Variants in USP9X observed in about 807,000 individuals in gnomAD.
USP9X encodes the protein ubiquitin carboxyl-terminal hydrolase 9X.
A neutral mutation model predicts 190.3 loss-of-function variants in USP9X; 7 were observed. The observed-to-expected ratio is 0.04, with a 90% CI of 0.02 to 0.07. USP9X has a LOEUF of 0.07. Among genes scored for constraint, USP9X ranks in the 10% least tolerant of loss-of-function variants. The probability of loss-of-function intolerance (pLI) is 1.00; values close to 1 mark genes in which losing one functional copy is unlikely to be tolerated. For synonymous variants in USP9X, 645 were observed against 659.5 expected, an observed-to-expected ratio of 0.98 and a Z score of 0.34; for missense variants, 1,010 against 1,916.9, an observed-to-expected ratio of 0.53 and a Z score of 8.83.
intron 39 of USP9X, 27 bp from the exon 40 acceptor site, chrX:41,224,715 T>C: frequency 2.6e-6 from 3 of 1,133,001 alleles, no homozygotes; most frequent in Non-Finnish European, 3.6e-6. Context: ...TTATTAGTTT[T>C]TTATTGGTGA....
rs1252353367 is a variant in USP9X, at chrX:41,162,793, A to G, written c.1901A>G (p.His634Arg). The change falls in exon 15 of 45, where the codon CAT (histidine) becomes CGT (arginine). Residue 634 changes from histidine (H) to arginine (R), a missense_variant. By Grantham distance (29) the His-to-Arg change is conservative. Around this residue, in one of 11 missense-constraint regions of USP9X, gnomAD observed 104 missense variants for 239.8 expected, o/e 0.43. Transcript: ENST00000378308. ...MESMRLYARD[H>R]EDYDPQTVRL... ...ATGGTTTTTTCTTAATTTGCAGACC[A>G]TGAAGATTATGACCCACAAACTGTG... The G allele has an allele frequency of 8.3e-7, 1 of 1,204,471 alleles. No homozygotes were observed. The highest frequency in any genetic ancestry group is 1.1e-6 in the Non-Finnish European group (1 of 891,707).
rs1437276606 is a variant in USP9X, at chrX:41,163,703, T to G, written c.1985+826T>G. On this transcript the variant is annotated intron_variant, in intron 15 of 44. Coordinates refer to ENST00000378308, the MANE Select transcript of USP9X (RefSeq NM_001039591.3). The stretch of plus-strand genomic sequence containing the variant: ...CGGAGGCGGAGGTTGCAGTGAGCTG[T>G]GATTGCACCACTGCACTCCAGACCC... 4.9e-5 allele frequency among the ~76,000 whole-genome samples: 5 copies of G among 102,667 alleles called. No homozygotes were observed. In the Admixed American group the frequency reaches 5.3e-4, roughly 11 times the overall value. 89.2% of individuals were successfully genotyped at this position (102,667 alleles called of 115,157 possible). A position where few individuals can be genotyped will look rare whatever the true frequency, so the allele number is the denominator to read the frequency against.
chrX:41,184,357 T>C (rs1483064761), intron 22 of USP9X, 40 bp from the exon 23 acceptor site: 3 of 1,171,968 alleles, frequency 2.6e-6, no homozygotes, highest in Non-Finnish European at 3.4e-6. Flanking sequence ...TTTTTAAATC[T>C]TTTAATACAG....
intron 14 of USP9X, among the ~76,000 whole-genome samples, chrX:41,161,313 A>T (rs1177116872): frequency 9.9e-6 from 1 of 101,264 alleles, no homozygotes; most frequent in African/African-American, 3.6e-5. Flanking sequence ...GGTAAAGAGT[A>T]TAAGAGAATT....
At chrX:41,108,221 C>T (rs2062083928) in intron 1 of USP9X, among the ~76,000 whole-genome samples, 1 of 111,733 alleles carries the variant, frequency 8.9e-6, no homozygotes, top group Non-Finnish European at 1.9e-5. Context: ...CTTAGTCATG[C>T]CTGGGATGAT....
chrX:41,166,069 A>C lies in USP9X; in HGVS notation c.2183A>C (p.Asp728Ala). 1 of 1,211,516 alleles carries C rather than the reference A, an allele frequency of 8.3e-7. No individual in the cohort carries two copies. Among genetic ancestry groups the C allele is most frequent in the Admixed American group, 2.2e-5 (1 of 46,010 alleles). Reference sequence around the variant, plus strand: ...TTTGAAAGTAATGTGCTTCAGCTTGATCCTTCTCTGTTAACTGAAAATGGA... The same window carrying C: ...TTTGAAAGTAATGTGCTTCAGCTTGCTCCTTCTCTGTTAACTGAAAATGGA... Reference protein sequence around the residue: ...DFFESNVLQLDPSLLTENGMK... With the variant: ...DFFESNVLQLAPSLLTENGMK... Residue 728 changes from aspartate to alanine, a missense_variant, in exon 16 of 45, where the codon GAT (aspartate) becomes GCT (alanine). Asp to Ala is a moderately radical substitution (Grantham distance 126). Coordinates refer to ENST00000378308, the MANE Select transcript of USP9X (RefSeq NM_001039591.3).
intron 20 of USP9X, 121 bp from the exon 21 acceptor site, chrX:41,171,717 T>C (rs774421485): frequency 1.1e-6 from 1 of 876,185 alleles, no homozygotes; most frequent in African/African-American, 2.0e-5. Context: ...TCAGACTATT[T>C]CAAAGAGTAG....
In USP9X at chrX:41,146,680, TTTTTG is replaced by T. The variant is rs1412224214; in HGVS notation, c.1420-1688_1420-1684del. 1.3e-4 allele frequency among the ~76,000 whole-genome samples: 9 copies of T among 68,516 alleles called. No homozygotes were observed. In the South Asian group the frequency reaches 4.0e-3, roughly 31 times the overall value. 59.5% of individuals were successfully genotyped at this position (68,516 alleles called of 115,157 possible). A position where few individuals can be genotyped will look rare whatever the true frequency, so the allele number is the denominator to read the frequency against. On this transcript the variant is annotated intron_variant, in intron 11 of 44. Transcript: ENST00000378308. ...GCTATTTGCCTTTTTTTTTTTTTTT[TTTTTG>T]GGTGAATGCCTGTTCCCCCCCTCCC...
At chrX:41,224,080 A>G (rs1333866074) in intron 39 of USP9X, among the ~76,000 whole-genome samples, 1 of 109,329 alleles carries the variant, frequency 9.1e-6, no homozygotes, top group African/African-American at 3.3e-5. Context: ...GGTGGTGTGC[A>G]CCTGTTGTCC....
chrX:41,088,780 AAG>A (rs2061932100), intron 1 of USP9X, among the ~76,000 whole-genome samples: 1 of 111,219 alleles, frequency 9.0e-6, no homozygotes, highest in African/African-American at 3.3e-5. Flanking sequence ...TTTTTTCAAA[AAG>A]GGAAAAAACC....
chrX:41,233,236 G>A lies in USP9X; in HGVS notation c.*712G>A, dbSNP rs1184827570. On this transcript the variant is annotated 3_prime_UTR_variant, in exon 45 of 45. Coordinates refer to ENST00000378308, the MANE Select transcript of USP9X (RefSeq NM_001039591.3). ...GGAAAAAGTTACCATAATGACAGCA[G>A]TTGTCCGAGAAGTGACAGCTGTATT... 8.9e-6 allele frequency: 1 copy of A among 112,214 alleles called. No homozygotes were observed. The highest frequency in any genetic ancestry group is 2.8e-4 in the East Asian group (1 of 3,620). 9.2% of individuals were successfully genotyped at this position (112,214 alleles called of 1,213,427 possible). A position where few individuals can be genotyped will look rare whatever the true frequency, so the allele number is the denominator to read the frequency against.
chrX:41,230,955 T>C lies in USP9X; in HGVS notation c.7527+359T>C, dbSNP rs192733042. Among the ~76,000 whole-genome samples the C allele has an allele frequency of 1.6e-3, 177 of 111,906 alleles. 2 individuals carry two copies. The highest frequency in any genetic ancestry group is 2.2e-3 in the South Asian group (6 of 2,676). ...GGATTCCAAAAACATTATTAAGATA[T>C]GGCAATGAAGTAAGAAGTCCTTGGT... On this transcript the variant is annotated intron_variant, in intron 44 of 44. Transcript: ENST00000378308.
rs2063387967 is a variant in USP9X, at chrX:41,234,653, T to G, written c.*2129T>G. On this transcript the variant is annotated 3_prime_UTR_variant, in exon 45 of 45. Coordinates refer to ENST00000378308, the MANE Select transcript of USP9X (RefSeq NM_001039591.3). Reference sequence around the variant, plus strand: ...CTTGGCTCACTGCAACGTCGCCTCCTGGGTTCAAGCGATTCTTCCGCCTCA... The same window carrying G: ...CTTGGCTCACTGCAACGTCGCCTCCGGGGTTCAAGCGATTCTTCCGCCTCA... 1 of 111,979 alleles carries G rather than the reference T, an allele frequency of 8.9e-6. No homozygotes were observed. Among genetic ancestry groups the G allele is most frequent in the African/African-American group, 3.2e-5 (1 of 30,804 alleles). 9.2% of individuals were successfully genotyped at this position (111,979 alleles called of 1,213,427 possible).
At chrX:41,172,578 C>T (rs2062736530) in intron 21 of USP9X, among the ~76,000 whole-genome samples, 1 of 111,551 alleles carries the variant, frequency 9.0e-6, no homozygotes, top group Non-Finnish European at 1.9e-5. Flanking sequence ...TACATACCCC[C>T]ACATCCTCCC....
intron 2 of USP9X, among the ~76,000 whole-genome samples, chrX:41,125,444 C>T (rs2068686753): frequency 9.4e-6 from 1 of 106,612 alleles, no homozygotes; most frequent in African/African-American, 3.4e-5. Flanking sequence ...TTATGGTTTT[C>T]AAGGAATTGG....
chrX:41,151,261 A>T (rs1015484978), intron 13 of USP9X, among the ~76,000 whole-genome samples: 3 of 111,058 alleles, frequency 2.7e-5, no homozygotes, highest in African/African-American at 9.8e-5. Flanking sequence ...CAGTTAAGTG[A>T]TAAATCAGAA....
chrX:41,100,951 A>C (rs1433771424), intron 1 of USP9X, among the ~76,000 whole-genome samples: 2 of 111,178 alleles, frequency 1.8e-5, no homozygotes, highest in Non-Finnish European at 3.8e-5. Flanking sequence ...TGTTTTAAAG[A>C]TGATCATCCC....
chrX:41,213,267 A>G (rs185809139), intron 33 of USP9X, among the ~76,000 whole-genome samples: 1 of 111,343 alleles, frequency 9.0e-6, no homozygotes, highest in Non-Finnish European at 1.9e-5. Flanking sequence ...ACTACATTCC[A>G]GCCTGGGTGA....
At chrX:41,178,601 T>G (rs1330107816) in intron 21 of USP9X, among the ~76,000 whole-genome samples, 1 of 112,237 alleles carries the variant, frequency 8.9e-6, no homozygotes, top group Non-Finnish European at 1.9e-5. Context: ...TCCTTATATA[T>G]TCTGGATATT....
Sources: allele counts gnomAD v4.1 joint callset (sites outside exome capture counted in the v4.1 genomes callset), GRCh38; gene constraint gnomAD v4.1.1; regional missense constraint gnomAD v4.1.1; transcripts MANE v1.5; gene names NCBI Gene and HGNC (gene_info 2026-07-23, HGNC 2026-07-21).